Variants in CNOT2 observed in about 807,000 individuals in gnomAD.
CNOT2 encodes CC chemokine receptor 4-negative regulator of transcription 2.
CNOT2 carries 7 observed loss-of-function variants against 72.1 expected under a neutral mutation model. That is an observed-to-expected ratio of 0.10 (90% CI 0.06 to 0.18). The LOEUF (loss-of-function observed/expected upper bound fraction) is 0.18, where lower values mean the gene tolerates loss of function less well. Ranked by LOEUF, CNOT2 falls within the 10% of genes least tolerant of loss-of-function variation. The pLI is 1.00. For missense variants in CNOT2, 345 were observed against 660.3 expected, an observed-to-expected ratio of 0.52 and a Z score of 5.23; for synonymous variants, 196 against 225.6, an observed-to-expected ratio of 0.87 and a Z score of 1.17.
chr12:70,340,342 C>T (rs1565830081), intron 11 of CNOT2, among the ~76,000 whole-genome samples: 1 of 152,144 alleles, frequency 6.6e-6, no homozygotes, highest in Non-Finnish European at 1.5e-5. Context: ...CTGGTACCTC[C>T]TCCTTTTCTT....
At chr12:70,286,489 T>C (rs1438697255) in intron 2 of CNOT2, among the ~76,000 whole-genome samples, 1 of 150,060 alleles carries the variant, frequency 6.7e-6, no homozygotes, top group African/African-American at 2.4e-5. Context: ...ATATTAGCAT[T>C]GTGTACCAAT....
intron 3 of CNOT2, among the ~76,000 whole-genome samples, chr12:70,315,909 G>A (rs192537394): frequency 9.9e-5 from 15 of 151,730 alleles, no homozygotes; most frequent in Non-Finnish European, 1.9e-4. Context: ...ATAAATTAAG[G>A]GTATTATTTA....
intron 2 of CNOT2, among the ~76,000 whole-genome samples, chr12:70,298,868 T>C (rs1410796165): frequency 6.6e-6 from 1 of 152,122 alleles, no homozygotes; most frequent in Non-Finnish European, 1.5e-5. Flanking sequence ...TTGAGGAATT[T>C]TTATCAGAAA....
chr12:70,248,977 T>C (rs1206558135), intron 1 of CNOT2, among the ~76,000 whole-genome samples: 1 of 152,052 alleles, frequency 6.6e-6, no homozygotes. Context: ...ATCCTGGCAA[T>C]TTAGGTAACA....
chr12:70,250,567 A>G (rs1288120208), intron 1 of CNOT2, among the ~76,000 whole-genome samples: 1 of 152,226 alleles, frequency 6.6e-6, no homozygotes, highest in Non-Finnish European at 1.5e-5. Context: ...ACATAATTTC[A>G]GGTAATGGTA....
At chr12:70,272,552 A>G (rs540318533) in intron 1 of CNOT2, among the ~76,000 whole-genome samples, 8 of 152,204 alleles carry the variant, frequency 5.3e-5, no homozygotes, top group African/African-American at 1.9e-4. Flanking sequence ...CTTACCTATC[A>G]TTAGTAATCA....
At chr12:70,326,536 A>T (rs969083839) in intron 4 of CNOT2, among the ~76,000 whole-genome samples, 2 of 150,818 alleles carry the variant, frequency 1.3e-5, no homozygotes, top group African/African-American at 4.9e-5. Flanking sequence ...GTTTCTAATT[A>T]TACTAGTGAG....
intron 1 of CNOT2, among the ~76,000 whole-genome samples, chr12:70,263,453 G>A (rs1449230928): frequency 6.6e-6 from 1 of 151,662 alleles, no homozygotes; most frequent in African/African-American, 2.4e-5. Flanking sequence ...CATTCTCCTT[G>A]TTCTCCTGGT....
At chr12:70,345,025 A>G (rs1236247791) in intron 14 of CNOT2, 1 of 152,182 alleles carries the variant, frequency 6.6e-6, no homozygotes, top group Non-Finnish European at 1.5e-5. Flanking sequence ...ATGTAAAGAA[A>G]TTGGTTCATT....
chr12:70,315,096 T>G (rs1327827972), intron 3 of CNOT2, among the ~76,000 whole-genome samples: 1 of 152,146 alleles, frequency 6.6e-6, no homozygotes, highest in Admixed American at 6.5e-5. Context: ...ACTCCTGACC[T>G]CAGGGGATCT....
intron 2 of CNOT2, among the ~76,000 whole-genome samples, chr12:70,308,456 A>G (rs1875827785): frequency 6.6e-6 from 1 of 151,652 alleles, no homozygotes; most frequent in Non-Finnish European, 1.5e-5. Context: ...TTTTTTAATT[A>G]TTTGCTGAAG....
chr12:70,268,793 A>G lies in CNOT2; in HGVS notation c.-95-9339A>G, dbSNP rs543635921. On this transcript the variant is annotated intron_variant, in intron 1 of 15. Coordinates refer to ENST00000229195, the MANE Select transcript of CNOT2 (RefSeq NM_014515.7). ...AAATTTTTACTGTACTCCTGTTTCT[A>G]TGTAGTGGGAAAACAAAATCATAAG... Among the ~76,000 whole-genome samples the G allele has an allele frequency of 3.8e-4, 58 of 152,174 alleles. 1 individual carries two copies. The highest frequency in any genetic ancestry group is 1.3e-3 in the African/African-American group (52 of 41,526).
At chr12:70,295,626 T>C (rs1006939065) in intron 2 of CNOT2, among the ~76,000 whole-genome samples, 7 of 152,180 alleles carry the variant, frequency 4.6e-5, no homozygotes, top group Non-Finnish European at 8.8e-5. Context: ...TAGTTTTACA[T>C]CCTAATATTT....
At chr12:70,304,572 C>T (rs1874841629) in intron 2 of CNOT2, among the ~76,000 whole-genome samples, 1 of 152,234 alleles carries the variant, frequency 6.6e-6, no homozygotes, top group Admixed American at 6.5e-5. Context: ...AGTTTTGTCT[C>T]AGGAGTATCT....
At chr12:70,346,576 A>AT (rs1882200767) in intron 15 of CNOT2, 2 of 306,282 alleles carry the variant, frequency 6.5e-6, no homozygotes, top group East Asian at 5.6e-5. Flanking sequence ...CATTTGAAAT[A>AT]TTTTTTGTGT....
At chr12:70,335,366 T>A in intron 7 of CNOT2, 72 bp from the exon 8 acceptor site, 1 of 1,131,532 alleles carries the variant, frequency 8.8e-7, no homozygotes, top group South Asian at 1.3e-5. Flanking sequence ...CGAATTATAT[T>A]ATGGTTGGTT....
intron 14 of CNOT2, 34 bp from the exon 15 acceptor site, chr12:70,346,144 GAA>G (rs750294683): frequency 6.7e-7 from 1 of 1,482,124 alleles, no homozygotes; most frequent in Non-Finnish European, 9.3e-7. Flanking sequence ...TAAGCCACAG[GAA>G]AAAGTTAATT....
intron 1 of CNOT2, among the ~76,000 whole-genome samples, chr12:70,251,964 C>T (rs1277589450): frequency 6.6e-6 from 1 of 152,044 alleles, no homozygotes; most frequent in East Asian, 1.9e-4. Context: ...GTGATAAAAT[C>T]CCTACATAGG....
At chr12:70,281,061 A>G (rs960593633) in intron 2 of CNOT2, among the ~76,000 whole-genome samples, 5 of 150,906 alleles carry the variant, frequency 3.3e-5, no homozygotes, top group Non-Finnish European at 4.4e-5. Context: ...TTAATTACCA[A>G]TTTAACTAAT....
Sources: gnomAD v4.1 joint callset for allele counts (sites outside exome capture counted in the v4.1 genomes callset) on GRCh38, gnomAD v4.1.1 for gene constraint, MANE v1.5 for transcripts, NCBI Gene and HGNC (gene_info 2026-07-23, HGNC 2026-07-21) for gene names.